The following ACACA variants were observed in gnomAD, a reference collection of about 807,000 sequenced individuals.
ACACA encodes acetyl-CoA carboxylase alpha, also known as acetyl-CoA carboxylase 1.
ACACA carries 103 observed loss-of-function variants against 296.1 expected under a neutral mutation model. That is an observed-to-expected ratio of 0.35 (90% confidence interval 0.30 to 0.41). The LOEUF is 0.41. ACACA is among the 10% of genes least tolerant of loss of function. The pLI is 1.00. For synonymous variants in ACACA, 953 were observed against 1,038.6 expected (o/e 0.92, Z 1.58); for missense variants, 1,554 against 2,989.7 (o/e 0.52, Z 11.20).
chr17:37,393,086 G>A (rs1233746585), intron 1 of ACACA, among the ~76,000 whole-genome samples: 1 of 146,954 alleles, frequency 6.8e-6, no homozygotes, highest in East Asian at 2.0e-4. Context: ...AGGTTGCAGT[G>A]AGCCCCGAGA....
chr17:37,252,539 G>A (rs1319693141), intron 15 of ACACA, among the ~76,000 whole-genome samples: 4 of 152,192 alleles, frequency 2.6e-5, no homozygotes, highest in African/African-American at 9.7e-5. Context: ...TAAGGAATAA[G>A]TGATAACTCT....
chr17:37,163,055 G>T, intron 41 of ACACA: 1 of 155,178 alleles, frequency 6.4e-6, no homozygotes, highest in South Asian at 1.7e-4. Flanking sequence ...ATGACTCCGA[G>T]ATCAAGTTCC....
At chr17:37,140,287 A>T (rs78871305) in intron 45 of ACACA, among the ~76,000 whole-genome samples, 3,921 of 152,268 alleles carry the variant, frequency 0.026, 85 homozygotes, top group African/African-American at 0.055. Context: ...AAACAAAATT[A>T]AAAAAAATTT....
intron 1 of ACACA, chr17:37,391,919 G>T: frequency 1.7e-6 from 1 of 590,732 alleles, no homozygotes; most frequent in Admixed American, 2.9e-5. Flanking sequence ...ACAACCTTCT[G>T]TAATTCACTT....
chr17:37,378,221 A>C (rs1331607889), intron 1 of ACACA, among the ~76,000 whole-genome samples: 2 of 152,216 alleles, frequency 1.3e-5, no homozygotes, highest in Non-Finnish European at 2.9e-5. Flanking sequence ...ATTAAAGAAA[A>C]ATCTATGAGC....
intron 45 of ACACA, chr17:37,143,686 A>T (rs2143904660): frequency 4.6e-6 from 4 of 877,126 alleles, no homozygotes; most frequent in Middle Eastern, 7.1e-4. Context: ...CAACTTATTC[A>T]TCATCATCAT....
intron 35 of ACACA, among the ~76,000 whole-genome samples, chr17:37,197,087 C>T (rs1465365349): frequency 1.3e-5 from 2 of 152,178 alleles, no homozygotes; most frequent in South Asian, 2.1e-4. Flanking sequence ...AAATAATCTC[C>T]ATGCAGTGTC....
chr17:37,216,316 A>C (rs145342665), intron 29 of ACACA, among the ~76,000 whole-genome samples: 1,774 of 152,030 alleles, frequency 0.012, 10 homozygotes, highest in Non-Finnish European at 0.017. Context: ...TCCAGACCAG[A>C]AGCTTGCCTG....
chr17:37,358,014 C>CCACAA (rs2049221357), intron 1 of ACACA, among the ~76,000 whole-genome samples: 1 of 152,092 alleles, frequency 6.6e-6, no homozygotes, highest in Non-Finnish European at 1.5e-5. Context: ...TTAGGTTTAT[C>CCACAA]CACACATTAG....
chr17:37,248,795 A>AT (rs1386992292), intron 16 of ACACA, 121 bp from the exon 17 acceptor site: 1 of 688,956 alleles, frequency 1.5e-6, no homozygotes, highest in East Asian at 3.1e-5. Context: ...CTAAATACCT[A>AT]AATGATCGTT....
chr17:37,178,235 A>G (rs1023724572), intron 41 of ACACA, among the ~76,000 whole-genome samples: 16 of 152,234 alleles, frequency 1.1e-4, no homozygotes, highest in African/African-American at 3.1e-4. Context: ...AGGGCAAAAT[A>G]GGACTTTATA....
At chr17:37,171,424 T>G (rs1412794410) in intron 41 of ACACA, among the ~76,000 whole-genome samples, 1 of 152,098 alleles carries the variant, frequency 6.6e-6, no homozygotes, top group Non-Finnish European at 1.5e-5. Flanking sequence ...TATCCAAGCA[T>G]GAAAAAAAGA....
intron 41 of ACACA, among the ~76,000 whole-genome samples, chr17:37,170,441 T>C (rs1233133252): frequency 6.6e-6 from 1 of 152,032 alleles, no homozygotes; most frequent in Non-Finnish European, 1.5e-5. Context: ...TAGAAACACA[T>C]TTGGTTTGAA....
At chr17:37,324,397 G>A (rs1302402366) in intron 3 of ACACA, among the ~76,000 whole-genome samples, 1 of 149,564 alleles carries the variant, frequency 6.7e-6, no homozygotes, top group African/African-American at 2.5e-5. Flanking sequence ...CAGGTGTGGT[G>A]GCTCACGCCC....
chr17:37,147,179 A>G (rs924000378), intron 45 of ACACA, among the ~76,000 whole-genome samples: 1 of 152,142 alleles, frequency 6.6e-6, no homozygotes, highest in African/African-American at 2.4e-5. Flanking sequence ...ATAAGCTTGC[A>G]TGTCTCCTAC....
intron 41 of ACACA, chr17:37,162,506 G>A (rs991343413): frequency 3.3e-4 from 94 of 285,400 alleles, no homozygotes; most frequent in Admixed American, 1.6e-3. Flanking sequence ...TCATGGGGTG[G>A]ATCCCTCATG....
intron 3 of ACACA, among the ~76,000 whole-genome samples, chr17:37,317,474 G>A (rs947266557): frequency 1.7e-4 from 26 of 151,756 alleles, no homozygotes; most frequent in African/African-American, 1.2e-4. Flanking sequence ...GCTGAGGCAC[G>A]AGAATCGCTT....
chr17:37,340,738 G>A (rs2048341070), intron 1 of ACACA, among the ~76,000 whole-genome samples: 1 of 152,160 alleles, frequency 6.6e-6, no homozygotes, highest in Admixed American at 6.6e-5. Flanking sequence ...GAAGAGGAAG[G>A]AAAAAGTTTG....
At chr17:37,273,414 G>C (rs1555624880) in intron 9 of ACACA, among the ~76,000 whole-genome samples, 1 of 152,220 alleles carries the variant, frequency 6.6e-6, no homozygotes, top group Non-Finnish European at 1.5e-5. Context: ...TACATGGATA[G>C]ACAATAATTA....
Sources: gnomAD v4.1 joint callset for allele counts (sites outside exome capture counted in the v4.1 genomes callset) on GRCh38, gnomAD v4.1.1 for gene constraint, MANE v1.5 for transcripts, NCBI Gene and HGNC (gene_info 2026-07-23, HGNC 2026-07-21) for gene names.